FADS2: variants seen among roughly 807,000 people sequenced by gnomAD.
The protein encoded by FADS2 is acyl-CoA 6-desaturase.
FADS2 carries 18 observed loss-of-function variants against 61.2 expected under a neutral mutation model. That is an observed-to-expected ratio of 0.29 (90% CI 0.20 to 0.44). The LOEUF (loss-of-function observed/expected upper bound fraction) is 0.44, where lower values mean the gene tolerates loss of function less well. FADS2 is among the 20% of genes least tolerant of loss of function. The pLI is 1.00. For synonymous variants in FADS2, 203 were observed against 223.9 expected (o/e 0.91, Z 0.83); for missense variants, 322 against 572.7 (o/e 0.56, Z 4.47).
At chr11:61,863,962 CT>C (rs2067440050) in intron 10 of FADS2, 176 bp downstream of exon 10, 2 of 598,950 alleles carry the variant, frequency 3.3e-6, no homozygotes, top group Non-Finnish European at 6.1e-6. Flanking sequence ...AGGGGCTCCC[CT>C]ATTCCATCTC....
intron 5 of FADS2, chr11:61,855,946 G>A (rs1051561438): frequency 1.3e-5 from 2 of 152,362 alleles, no homozygotes; most frequent in East Asian, 1.9e-4. Context: ...TTATGCCCAT[G>A]TTCTCATTGG....
At chr11:61,832,137 C>T (rs2067136229) in intron 1 of FADS2, among the ~76,000 whole-genome samples, 2 of 152,188 alleles carry the variant, frequency 1.3e-5, no homozygotes, top group Non-Finnish European at 2.9e-5. Flanking sequence ...TACCCCTAGC[C>T]CTTGTCTCAG....
chr11:61,861,853 C>G (rs148632388), intron 7 of FADS2: 1 of 152,388 alleles, frequency 6.6e-6, no homozygotes, highest in East Asian at 1.9e-4. Context: ...TTGTCAGTGC[C>G]GTGGGTTCTG....
upstream of FADS2, among the ~76,000 whole-genome samples, chr11:61,824,502 G>GAGAGAGAGAGAGAGAGA (rs140558358): frequency 4.6e-5 from 1 of 21,688 alleles, no homozygotes; most frequent in Non-Finnish European, 9.6e-5. Flanking sequence ...AAGAAAGAAA[G>GAGAGAGAGAGAGAGAGA]GAAAGAAAGA....
At chr11:61,859,006 G>A (rs1230481861) in intron 7 of FADS2, among the ~76,000 whole-genome samples, 2 of 152,202 alleles carry the variant, frequency 1.3e-5, no homozygotes, top group East Asian at 1.9e-4. Flanking sequence ...CCATGGGGAA[G>A]TTTTTCCTCT....
chr11:61,823,913 A>C (rs979500659), upstream of FADS2, among the ~76,000 whole-genome samples: 2 of 152,172 alleles, frequency 1.3e-5, no homozygotes, highest in African/African-American at 4.8e-5. Context: ...GTTGAAAATT[A>C]TTCATTTTTT....
rs74528935 is a variant in FADS2 at position 61,865,539 on chromosome 11, G to T, written c.1284-99G>T. 6.9e-4 allele frequency: 805 copies of T among 1,168,512 alleles called. 7 individuals are homozygous for T. In the African/African-American group the frequency reaches 0.01, roughly 15 times the overall value. The allele number at this position is 1,168,512 out of a possible 1,614,324, so 72.4% of individuals were successfully genotyped here. ...GGTAAGCCCTGGTTAGGGCCAAGGG[G>T]ACATACATGCCACCTTAATGATGGC... On this transcript the variant is annotated intron_variant, in intron 11 of 11. Coordinates refer to ENST00000278840, the MANE Select transcript of FADS2 (RefSeq NM_004265.4). This position sits in a 1 kb window ranked among gnomAD's most constrained non-coding sequence, Gnocchi z 4.1.
chr11:61,832,366 A>T (rs570889803), intron 1 of FADS2, among the ~76,000 whole-genome samples: 28 of 152,126 alleles, frequency 1.8e-4, no homozygotes, highest in Non-Finnish European at 3.8e-4. Flanking sequence ...ATGAATTCCC[A>T]GGCCTGGAGG....
chr11:61,857,395 A>T, intron 6 of FADS2, 59 bp from the exon 7 acceptor site: 2 of 1,509,798 alleles, frequency 1.3e-6, no homozygotes, highest in East Asian at 4.5e-5. Flanking sequence ...GGTTCCCCTG[A>T]CCTTCCGGCA....
rs1309877514 is a variant in FADS2, at chr11:61,816,848, G to A, written c.141+422G>A. The A allele has an allele frequency of 4.0e-6, 6 of 1,486,510 alleles. 1 individual carries two copies. The South Asian group carries it at 7.7e-5, about 19-fold the overall frequency. The allele number at this position is 1,486,510 out of a possible 1,614,324, so 92.1% of individuals were successfully genotyped here. A position where few individuals can be genotyped will look rare whatever the true frequency, so the allele number is the denominator to read the frequency against. The stretch of plus-strand genomic sequence containing the variant: ...GGGCTCCAGGAGTGGATTTGCTGGC[G>A]CGCGCCCAGAGCCAGCCGCCTGCGC... On this transcript the variant is annotated intron_variant, in intron 1 of 11. Coordinates refer to the FADS2 transcript ENST00000257261. This position sits in a 1 kb window ranked among gnomAD's most constrained non-coding sequence, Gnocchi z 7.0.
intron 1 of FADS2, among the ~76,000 whole-genome samples, chr11:61,821,037 C>G (rs1191502825): frequency 1.3e-5 from 2 of 152,222 alleles, no homozygotes; most frequent in Non-Finnish European, 2.9e-5. Context: ...CACAGGTGGT[C>G]ACACAGACTG....
At chr11:61,855,049 G>A (rs1409768465) in intron 5 of FADS2, 1 of 152,430 alleles carries the variant, frequency 6.6e-6, no homozygotes, top group Admixed American at 6.5e-5. Flanking sequence ...TCACCCATGA[G>A]AACAGGGTGC....
upstream of FADS2, chr11:61,828,131 A>G (rs1165226535): frequency 2.7e-5 from 37 of 1,362,592 alleles, no homozygotes; most frequent in Non-Finnish European, 3.2e-5. This position sits in a 1 kb window ranked among gnomAD's most constrained non-coding sequence, Gnocchi z 6.4. Flanking sequence ...CCATAGCGGG[A>G]GGGCTGAGGG....
intron 1 of FADS2, among the ~76,000 whole-genome samples, chr11:61,830,084 A>G (rs1396443295): frequency 6.6e-6 from 1 of 152,226 alleles, no homozygotes; most frequent in Non-Finnish European, 1.5e-5. Flanking sequence ...CTTCAGTGCT[A>G]TCTCACCTGG....
intron 7 of FADS2, among the ~76,000 whole-genome samples, chr11:61,860,537 C>T (rs796962028): frequency 6.6e-6 from 1 of 152,242 alleles, no homozygotes; most frequent in African/African-American, 2.4e-5. Flanking sequence ...CCAACCCCCT[C>T]GCTCCGCCTC....
chr11:61,865,732 G>C lies in FADS2; in HGVS notation c.*43G>C. The stretch of plus-strand genomic sequence containing the variant: ...CACCGTGGGGAAGGGGTGCAGGTGG[G>C]GTGATGGCCAGAGGAATGATGGGCT... On this transcript the variant is annotated 3_prime_UTR_variant, in exon 12 of 12. Coordinates refer to ENST00000278840, the MANE Select transcript of FADS2 (RefSeq NM_004265.4). The surrounding 1 kb of genome is among the most constrained non-coding windows in gnomAD (Gnocchi z 4.1). 1 of 1,556,026 alleles carries C rather than the reference G, an allele frequency of 6.4e-7. No individual in the cohort carries two copies. The highest frequency in any genetic ancestry group is 8.8e-7 in the Non-Finnish European group (1 of 1,134,360).
chr11:61,826,298 G>T, upstream of FADS2: 1 of 702,530 alleles, frequency 1.4e-6, no homozygotes, highest in South Asian at 1.5e-5. Context: ...ACCCTGGCTG[G>T]TACTGTGCTG....
In FADS2 at chr11:61,837,818, G is replaced by T. The variant is rs1479527553; in HGVS notation, c.248G>T (p.Gly83Val). The T allele has an allele frequency of 6.2e-7, 1 of 1,613,674 alleles. No individual in the cohort carries two copies. The highest frequency in any genetic ancestry group is 1.1e-5 in the South Asian group (1 of 90,916). Residue 83 changes from glycine (G) to valine (V), a missense_variant, in exon 2 of 12, where the codon GGC (glycine) becomes GTC (valine). Physicochemically the swap from Gly to Val is moderately radical, Grantham distance 109 (BLOSUM62 -3). Around this residue, in one of 3 missense-constraint regions of FADS2, gnomAD observed 40 missense variants for 37.3 expected, o/e 1.07. Transcript: ENST00000278840. ...TTCCACCCTGACCTGGAATTCGTGGGCAAGTTCTTGAAACCCCTGCTGATT... is the reference window on the plus strand; with the variant it reads ...TTCCACCCTGACCTGGAATTCGTGGTCAAGTTCTTGAAACCCCTGCTGATT... ...RAFHPDLEFV[G>V]KFLKPLLIGE... is the part of the protein sequence containing the mutation.
intron 5 of FADS2, 124 bp from the exon 6 acceptor site, chr11:61,856,887 C>T: frequency 1.2e-6 from 1 of 816,022 alleles, no homozygotes; most frequent in Non-Finnish European, 2.1e-6. Flanking sequence ...TGCAGATTGA[C>T]AGGAAAGGGA....
Sources: gnomAD v4.1 joint callset for allele counts (sites outside exome capture counted in the v4.1 genomes callset) on GRCh38, gnomAD v4.1.1 for gene constraint, gnomAD v4.1.1 regional missense constraint, Gnocchi (gnomAD v3.1) non-coding constraint, MANE v1.5 for transcripts, NCBI Gene and HGNC (gene_info 2026-07-23, HGNC 2026-07-21) for gene names.